SPMIP7: variants seen among roughly 807,000 people sequenced by gnomAD.
The protein encoded by SPMIP7 is sperm microtubule inner protein 7.
the SPMIP7 span, among the ~76,000 whole-genome samples, chr7:50,102,884 G>T: frequency 6.0e-5 from 9 of 151,098 alleles, no homozygotes; most frequent in African/African-American, 1.2e-4. Flanking sequence ...GTCATTAAAG[G>T]TTAGGAAAAT....
At chr7:50,103,772 C>T in the SPMIP7 span, among the ~76,000 whole-genome samples, 10 of 152,180 alleles carry the variant, frequency 6.6e-5, no homozygotes, top group African/African-American at 2.2e-4. Flanking sequence ...CCCCACAGCA[C>T]TCTGAGCTCA....
the SPMIP7 span, among the ~76,000 whole-genome samples, chr7:50,098,119 G>A: frequency 6.1e-5 from 5 of 82,306 alleles, no homozygotes; most frequent in African/African-American, 9.1e-5. Flanking sequence ...TCATAAAGAC[G>A]GTCATTTCAG....
chr7:50,138,902 C>A, the SPMIP7 span, among the ~76,000 whole-genome samples: 2 of 151,980 alleles, frequency 1.3e-5, no homozygotes, highest in African/African-American at 4.8e-5. Context: ...AGAAAACTAC[C>A]ATTTTATTGA....
chr7:50,127,851 A>G, the SPMIP7 span, among the ~76,000 whole-genome samples: 1 of 151,870 alleles, frequency 6.6e-6, no homozygotes, highest in Non-Finnish European at 1.5e-5. Flanking sequence ...GAAAACTTTC[A>G]TTCACTGTTG....
At chr7:50,147,696 A>G in the SPMIP7 span, among the ~76,000 whole-genome samples, 1 of 151,952 alleles carries the variant, frequency 6.6e-6, no homozygotes, top group African/African-American at 2.4e-5. Context: ...GAGTTACTAA[A>G]CTTCTTGATT....
the SPMIP7 span, among the ~76,000 whole-genome samples, chr7:50,111,185 C>G: frequency 8.0e-5 from 12 of 150,846 alleles, no homozygotes; most frequent in African/African-American, 2.7e-4. Context: ...TTTGTTGTCC[C>G]TTGGCCATGG....
the SPMIP7 span, among the ~76,000 whole-genome samples, chr7:50,119,930 C>T: frequency 3.9e-5 from 6 of 152,180 alleles, no homozygotes; most frequent in East Asian, 3.8e-4. Context: ...AAATAAATTA[C>T]TCGCTGAACC....
chr7:50,127,086 G>T, the SPMIP7 span, among the ~76,000 whole-genome samples: 1 of 151,908 alleles, frequency 6.6e-6, no homozygotes, highest in East Asian at 1.9e-4. Context: ...AGATTAGGGA[G>T]CCCACATATA....
the SPMIP7 span, among the ~76,000 whole-genome samples, chr7:50,107,719 G>T: frequency 7.2e-4 from 110 of 152,296 alleles, no homozygotes; most frequent in African/African-American, 2.6e-3. Flanking sequence ...TCCACTGCGT[G>T]TTTATTTCTG....
At chr7:50,114,902 C>T in the SPMIP7 span, among the ~76,000 whole-genome samples, 3 of 151,128 alleles carry the variant, frequency 2.0e-5, no homozygotes, top group Admixed American at 6.6e-5. Flanking sequence ...TAGTGGCGGG[C>T]GCCTGTAATC....
chr7:50,098,446 G>C, the SPMIP7 span, among the ~76,000 whole-genome samples: 1 of 151,986 alleles, frequency 6.6e-6, no homozygotes, highest in South Asian at 2.1e-4. Flanking sequence ...CTCCACTTTG[G>C]CCTCCTGATA....
chr7:50,130,392 T>C, the SPMIP7 span, among the ~76,000 whole-genome samples: 2 of 151,944 alleles, frequency 1.3e-5, no homozygotes, highest in African/African-American at 4.8e-5. Context: ...GCAGCTCCCA[T>C]TTATAAAACC....
chr7:50,126,951 G>T, the SPMIP7 span, among the ~76,000 whole-genome samples: 2 of 151,976 alleles, frequency 1.3e-5, no homozygotes, highest in Non-Finnish European at 2.9e-5. Flanking sequence ...AATAGCCAAA[G>T]CAATGCTGTG....
the SPMIP7 span, among the ~76,000 whole-genome samples, chr7:50,111,906 G>T: frequency 0.78 from 118,425 of 152,024 alleles, 46,234 homozygotes; most frequent in East Asian, 0.88. Flanking sequence ...CAAAATACAA[G>T]AATCAAAACA....
At chr7:50,106,232 A>G in the SPMIP7 span, among the ~76,000 whole-genome samples, 1 of 152,214 alleles carries the variant, frequency 6.6e-6, no homozygotes, top group Non-Finnish European at 1.5e-5. Flanking sequence ...CCTAGCACTT[A>G]GGGCCACTGT....
At chr7:50,117,915 A>G in the SPMIP7 span, among the ~76,000 whole-genome samples, 1 of 152,210 alleles carries the variant, frequency 6.6e-6, no homozygotes, top group Non-Finnish European at 1.5e-5. Context: ...ACAGTCTCCA[A>G]GCAAATGCAC....
At chr7:50,126,801 G>A in the SPMIP7 span, among the ~76,000 whole-genome samples, 1 of 151,688 alleles carries the variant, frequency 6.6e-6, no homozygotes, top group Non-Finnish European at 1.5e-5. Flanking sequence ...TAGCTTTGAA[G>A]AATTTTTAAA....
chr7:50,138,704 T>A, the SPMIP7 span, among the ~76,000 whole-genome samples: 1 of 152,090 alleles, frequency 6.6e-6, no homozygotes, highest in Non-Finnish European at 1.5e-5. Flanking sequence ...ATACCATTTT[T>A]AAAATCTTTA....
At chr7:50,138,197 C>T in the SPMIP7 span, among the ~76,000 whole-genome samples, 1 of 152,090 alleles carries the variant, frequency 6.6e-6, no homozygotes, top group African/African-American at 2.4e-5. Flanking sequence ...GATCCATTTT[C>T]CCAACATAAA....
Sources: gnomAD v4.1 joint callset for allele counts (sites outside exome capture counted in the v4.1 genomes callset) on GRCh38, gnomAD v4.1.1 for gene constraint, MANE v1.5 for transcripts, NCBI Gene and HGNC (gene_info 2026-07-23, HGNC 2026-07-21) for gene names.